Variants in LHFPL3 observed in about 807,000 individuals in gnomAD.
The protein encoded by LHFPL3 is LHFPL tetraspan subfamily member 3 protein.
LHFPL3 carries 5 observed loss-of-function variants against 19.3 expected under a neutral mutation model. That is an observed-to-expected ratio of 0.26 (90% confidence interval 0.14 to 0.54). The LOEUF is 0.54. Among genes scored for constraint, LHFPL3 ranks in the 20% least tolerant of loss-of-function variants. The probability of loss-of-function intolerance (pLI) is 0.94; values close to 1 mark genes in which losing one functional copy is unlikely to be tolerated. For synonymous variants in LHFPL3, 133 were observed against 126.2 expected (o/e 1.05, Z -0.36); for missense variants, 249 against 307.4 (o/e 0.81, Z 1.42).
At position 104,523,138 on chromosome 7, in the gene LHFPL3, C is replaced by T. The variant is rs1033368152; in HGVS notation, c.445+193914C>T. 6.6e-5 allele frequency among the ~76,000 whole-genome samples: 10 copies of T among 152,158 alleles called. No homozygotes were observed. In the South Asian group the frequency reaches 2.1e-3, roughly 32 times the overall value. ...TTTTCTAGTTGTTTACTCAAAACTT[C>T]ATATAAAGTATGCTTCTCAAATTGG... On this transcript the variant is annotated intron_variant, in intron 1 of 2. Transcript: ENST00000424859.
intron 1 of LHFPL3, among the ~76,000 whole-genome samples, chr7:104,674,388 T>A (rs74855912): frequency 6.7e-6 from 1 of 149,872 alleles, no homozygotes; most frequent in Non-Finnish European, 1.5e-5. Flanking sequence ...TTTTTTTTTT[T>A]TGACGGATTT....
At chr7:104,858,530 A>C (rs1791553231) in intron 2 of LHFPL3, among the ~76,000 whole-genome samples, 1 of 151,998 alleles carries the variant, frequency 6.6e-6, no homozygotes, top group African/African-American at 2.4e-5. Flanking sequence ...GACCCCTCCC[A>C]CATCCCTTCC....
chr7:104,471,288 A>T (rs1407675192), intron 1 of LHFPL3, among the ~76,000 whole-genome samples: 1 of 152,190 alleles, frequency 6.6e-6, no homozygotes, highest in Non-Finnish European at 1.5e-5. Flanking sequence ...TATGTCTTTG[A>T]TGGAAATAAT....
chr7:104,757,236 G>A (rs993898130), intron 2 of LHFPL3, among the ~76,000 whole-genome samples: 1 of 152,070 alleles, frequency 6.6e-6, no homozygotes, highest in African/African-American at 2.4e-5. Context: ...TAATTGTAAG[G>A]CCTCAAACTA....
chr7:104,400,244 G>C (rs923512619), intron 1 of LHFPL3, among the ~76,000 whole-genome samples: 7 of 147,464 alleles, frequency 4.7e-5, no homozygotes, highest in African/African-American at 1.7e-4. Flanking sequence ...GTTCAAAGGA[G>C]AAAGAATGCA....
chr7:104,616,095 T>A (rs1268528889), intron 1 of LHFPL3, among the ~76,000 whole-genome samples: 1 of 152,196 alleles, frequency 6.6e-6, no homozygotes, highest in African/African-American at 2.4e-5. Context: ...GCTATCCCCA[T>A]CAAGCTACCA....
chr7:104,616,598 C>T (rs2115780369), intron 1 of LHFPL3, among the ~76,000 whole-genome samples: 1 of 152,260 alleles, frequency 6.6e-6, no homozygotes, highest in South Asian at 2.1e-4. Flanking sequence ...ATGACTAAAA[C>T]ACCAAAAGCA....
rs139582314 is a variant in LHFPL3, at chr7:104,862,503, A to T, written c.683-43684A>T. ...TAAGTGCTAGCCCAGGGATGCTCTG[A>T]TAGAGCTGCATTTGAATTCAGCTTT... On this transcript the variant is annotated intron_variant, in intron 2 of 2. Coordinates refer to ENST00000424859, the MANE Select transcript of LHFPL3 (RefSeq NM_199000.3). 5.6e-3 allele frequency among the ~76,000 whole-genome samples: 847 copies of T among 152,322 alleles called. 8 individuals carry two copies. Among genetic ancestry groups the T allele is most frequent in the African/African-American group, 0.02 (812 of 41,564 alleles).
chr7:104,696,286 G>C (rs997795261), intron 1 of LHFPL3, among the ~76,000 whole-genome samples: 3 of 152,172 alleles, frequency 2.0e-5, no homozygotes, highest in African/African-American at 7.2e-5. Flanking sequence ...TTGTAAACTA[G>C]GATTAATTCC....
rs1046694977 is a variant in LHFPL3, at chr7:104,589,248, T to C, written c.446-147427T>C. On this transcript the variant is annotated intron_variant, in intron 1 of 2. Transcript: ENST00000424859. Reference sequence around the variant, plus strand: ...ATTCAGTATGATATTGGCTGTGGGTTTGTCATAAATAGCTCTTATTATTTT... The same window carrying C: ...ATTCAGTATGATATTGGCTGTGGGTCTGTCATAAATAGCTCTTATTATTTT... Among the ~76,000 whole-genome samples the C allele has an allele frequency of 2.3e-3, 356 of 152,302 alleles. 2 individuals are homozygous for C. Among genetic ancestry groups the C allele is most frequent in the Non-Finnish European group, 3.3e-3 (223 of 68,038 alleles).
intron 1 of LHFPL3, among the ~76,000 whole-genome samples, chr7:104,489,183 C>T (rs10226894): frequency 0.033 from 3,082 of 93,852 alleles, 747 homozygotes; most frequent in African/African-American, 0.097. Context: ...CCCGGGTTCA[C>T]GCCATTCTCC....
At chr7:104,517,744 G>T (rs1393865120) in intron 1 of LHFPL3, among the ~76,000 whole-genome samples, 1 of 152,082 alleles carries the variant, frequency 6.6e-6, no homozygotes, top group African/African-American at 2.4e-5. Flanking sequence ...CTGACCTCAG[G>T]TGATCTACCC....
chr7:104,549,350 T>C (rs1336988529), intron 1 of LHFPL3, among the ~76,000 whole-genome samples: 1 of 151,696 alleles, frequency 6.6e-6, no homozygotes, highest in African/African-American at 2.4e-5. Context: ...ATATTATTGA[T>C]TAGGACAAAT....
At chr7:104,776,133 T>C (rs1794633485) in intron 2 of LHFPL3, among the ~76,000 whole-genome samples, 1 of 152,238 alleles carries the variant, frequency 6.6e-6, no homozygotes, top group Admixed American at 6.5e-5. Flanking sequence ...TGAAGCTTCA[T>C]TGTGGTGAAC....
At chr7:104,774,934 G>A (rs555425492) in intron 2 of LHFPL3, among the ~76,000 whole-genome samples, 1 of 152,286 alleles carries the variant, frequency 6.6e-6, no homozygotes, top group South Asian at 2.1e-4. Context: ...TTGATGCAAA[G>A]CAAGCTGAGC....
At chr7:104,682,875 A>G (rs118112123) in intron 1 of LHFPL3, among the ~76,000 whole-genome samples, 1,748 of 152,356 alleles carry the variant, frequency 0.011, 18 homozygotes, top group Middle Eastern at 0.017. Context: ...TAAAAGCAAT[A>G]CATGCTTGCT....
chr7:104,545,650 A>G (rs1245482520), intron 1 of LHFPL3, among the ~76,000 whole-genome samples: 1 of 152,164 alleles, frequency 6.6e-6, no homozygotes, highest in African/African-American at 2.4e-5. Flanking sequence ...TTCAATTGCT[A>G]TGTGCAACCC....
intron 1 of LHFPL3, among the ~76,000 whole-genome samples, chr7:104,530,635 T>C (rs1410839105): frequency 1.3e-5 from 2 of 152,218 alleles, no homozygotes; most frequent in East Asian, 3.8e-4. Context: ...AATTTAACAG[T>C]TGTGTGACTC....
intron 1 of LHFPL3, chr7:104,669,052 T>C (rs879154238): frequency 1.9e-5 from 31 of 1,612,114 alleles, no homozygotes; most frequent in Middle Eastern, 2.1e-4. Context: ...CAGAAATGCA[T>C]GAAGGAGAGA....
Sources: allele counts gnomAD v4.1 joint callset (sites outside exome capture counted in the v4.1 genomes callset), GRCh38; gene constraint gnomAD v4.1.1; transcripts MANE v1.5; gene names NCBI Gene and HGNC (gene_info 2026-07-23, HGNC 2026-07-21).